The following ATF6 variants were observed in gnomAD, a reference collection of about 807,000 sequenced individuals.
The protein encoded by ATF6 is cyclic AMP-dependent transcription factor ATF-6 alpha.
In ATF6, 53 loss-of-function variants were observed where a neutral mutation model predicts 83.6. That is an observed-to-expected ratio of 0.63 (90% CI 0.51 to 0.80). The LOEUF is 0.80. ATF6 is among the 30% of genes least tolerant of loss of function. The probability of loss-of-function intolerance (pLI) is 0.00; values close to 1 mark genes in which losing one functional copy is unlikely to be tolerated. For synonymous variants in ATF6, 288 were observed against 285.8 expected, an observed-to-expected ratio of 1.01 and a Z score of -0.08; for missense variants, 744 against 797.9, an observed-to-expected ratio of 0.93 and a Z score of 0.81.
At chr1:161,884,642 T>C (rs971610628) in intron 14 of ATF6, among the ~76,000 whole-genome samples, 1 of 152,142 alleles carries the variant, frequency 6.6e-6, no homozygotes, top group Non-Finnish European at 1.5e-5. Flanking sequence ...TCCTGGCTGT[T>C]AACACTACAA....
chr1:161,899,121 T>C (rs1345133672), intron 14 of ATF6, among the ~76,000 whole-genome samples: 2 of 152,204 alleles, frequency 1.3e-5, no homozygotes, highest in South Asian at 2.1e-4. Flanking sequence ...CAAATCTGAT[T>C]CAGAATTAAA....
At chr1:161,937,926 T>C (rs2101907238) in intron 15 of ATF6, among the ~76,000 whole-genome samples, 1 of 152,066 alleles carries the variant, frequency 6.6e-6, no homozygotes, top group South Asian at 2.1e-4. Flanking sequence ...GTTCAGAACT[T>C]ACCAGTAGCT....
intron 1 of ATF6, among the ~76,000 whole-genome samples, chr1:161,772,942 C>T (rs994804662): frequency 1.3e-5 from 2 of 150,652 alleles, no homozygotes; most frequent in Non-Finnish European, 3.0e-5. Flanking sequence ...AGTCAGGTGC[C>T]ACCACTCCAC....
At chr1:161,914,972 A>G (rs571693120) in intron 15 of ATF6, among the ~76,000 whole-genome samples, 1 of 152,322 alleles carries the variant, frequency 6.6e-6, no homozygotes, top group Admixed American at 6.5e-5. Flanking sequence ...GTGACCATTA[A>G]TTTCAAAGGG....
At chr1:161,876,678 T>C (rs12023770) in intron 14 of ATF6, among the ~76,000 whole-genome samples, 22,001 of 152,066 alleles carry the variant, frequency 0.14, 2,173 homozygotes, top group East Asian at 0.32. Context: ...ATTATTCATA[T>C]GTCTGAAACA....
chr1:161,906,250 C>G (rs922428927), intron 14 of ATF6, among the ~76,000 whole-genome samples: 1 of 152,178 alleles, frequency 6.6e-6, no homozygotes, highest in Admixed American at 6.5e-5. Context: ...GGAGATCAAT[C>G]CTGACCTGGT....
chr1:161,792,430 T>G, intron 6 of ATF6, 103 bp downstream of exon 6: 1 of 1,128,316 alleles, frequency 8.9e-7, no homozygotes, highest in Non-Finnish European at 1.3e-6. Flanking sequence ...GAGCACGTGC[T>G]GTTTGTCAGG....
chr1:161,781,048 CTTTTT>C (rs1355542009), intron 2 of ATF6, among the ~76,000 whole-genome samples: 1 of 152,068 alleles, frequency 6.6e-6, no homozygotes, highest in Admixed American at 6.6e-5. Flanking sequence ...GTTTACTTTT[CTTTTT>C]GTCTCTGTGA....
At chr1:161,892,956 C>G (rs1687589735) in intron 14 of ATF6, among the ~76,000 whole-genome samples, 1 of 151,712 alleles carries the variant, frequency 6.6e-6, no homozygotes, top group Admixed American at 6.6e-5. Flanking sequence ...TTTAAAGACC[C>G]TAAAATGTGG....
chr1:161,851,246 ACACAC>A (rs1686617280), intron 10 of ATF6, among the ~76,000 whole-genome samples: 2 of 143,068 alleles, frequency 1.4e-5, no homozygotes, highest in African/African-American at 2.8e-5. Flanking sequence ...ACACACACAC[ACACAC>A]ACACACACAC....
At chr1:161,781,786 G>C (rs148071540) in intron 2 of ATF6, 126 bp from the exon 3 acceptor site, 58 of 600,292 alleles carry the variant, frequency 9.7e-5, no homozygotes, top group African/African-American at 8.7e-4. Context: ...CTGACTTAGA[G>C]TATTCTTTTT....
chr1:161,778,337 G>A lies in ATF6; in HGVS notation c.159+17G>A. The A allele has an allele frequency of 6.3e-7, 1 of 1,589,712 alleles. No individual in the cohort carries two copies. The highest frequency in any genetic ancestry group is 8.6e-7 in the Non-Finnish European group (1 of 1,158,994). ...GAGACGTATGTAAGTATTTACTAAG[G>A]TTGAATAATGTGATATTTAGTCTTT... On this transcript the variant is annotated intron_variant, in intron 2 of 15. Coordinates refer to ENST00000367942, the MANE Select transcript of ATF6 (RefSeq NM_007348.4).
intron 1 of ATF6, among the ~76,000 whole-genome samples, chr1:161,771,963 C>G (rs1299011008): frequency 6.6e-6 from 1 of 152,198 alleles, no homozygotes; most frequent in African/African-American, 2.4e-5. Context: ...CAGCCATTTG[C>G]TTTCCTGATC....
At chr1:161,920,228 C>T (rs1257036017) in intron 15 of ATF6, among the ~76,000 whole-genome samples, 2 of 149,326 alleles carry the variant, frequency 1.3e-5, no homozygotes, top group African/African-American at 4.9e-5. Context: ...ATGGAGTCTT[C>T]ACTTAAAACT....
chr1:161,905,509 C>G (rs1001818091), intron 14 of ATF6, among the ~76,000 whole-genome samples: 4 of 152,198 alleles, frequency 2.6e-5, no homozygotes, highest in East Asian at 1.9e-4. Flanking sequence ...ATGTAATCTT[C>G]AGGAAATTCA....
At chr1:161,823,614 T>G (rs1467276370) in intron 9 of ATF6, among the ~76,000 whole-genome samples, 1 of 152,210 alleles carries the variant, frequency 6.6e-6, no homozygotes, top group Non-Finnish European at 1.5e-5. Flanking sequence ...TGAGACCTAT[T>G]GTTGCTTCTT....
At chr1:161,827,116 A>G (rs1407597622) in intron 9 of ATF6, among the ~76,000 whole-genome samples, 1 of 151,972 alleles carries the variant, frequency 6.6e-6, no homozygotes, top group East Asian at 1.9e-4. Context: ...TATTTTTAGT[A>G]GAGACAGGGT....
intron 15 of ATF6, among the ~76,000 whole-genome samples, chr1:161,928,705 C>G (rs1337403954): frequency 1.3e-5 from 2 of 152,032 alleles, no homozygotes; most frequent in African/African-American, 4.8e-5. Flanking sequence ...CAGACCAGTT[C>G]TACTTTCAAA....
chr1:161,890,618 C>T (rs1687528346), intron 14 of ATF6, among the ~76,000 whole-genome samples: 2 of 152,210 alleles, frequency 1.3e-5, no homozygotes, highest in East Asian at 1.9e-4. Flanking sequence ...AGGGCGGCTT[C>T]GGGAACTAGA....
Sources: allele counts gnomAD v4.1 joint callset (sites outside exome capture counted in the v4.1 genomes callset), GRCh38; gene constraint gnomAD v4.1.1; transcripts MANE v1.5; gene names NCBI Gene and HGNC (gene_info 2026-07-23, HGNC 2026-07-21).